Variants in DPP6 observed in about 807,000 individuals in gnomAD.
DPP6 encodes dipeptidyl peptidase like 6.
DPP6 carries 69 observed loss-of-function variants against 122.6 expected under a neutral mutation model. The ratio of observed to expected loss-of-function variants is 0.56; its 90% CI spans 0.46 to 0.69. The LOEUF (loss-of-function observed/expected upper bound fraction) is 0.69, where lower values mean the gene tolerates loss of function less well. Ranked by LOEUF, DPP6 falls within the 30% of genes least tolerant of loss-of-function variation. The pLI, the probability that DPP6 is intolerant of heterozygous loss-of-function variation, is 0.00. For synonymous variants in DPP6, 418 were observed against 433.1 expected, an observed-to-expected ratio of 0.97 and a Z score of 0.43; for missense variants, 928 against 1,116.9, an observed-to-expected ratio of 0.83 and a Z score of 2.41.
intron 7 of DPP6, among the ~76,000 whole-genome samples, chr7:154,717,426 C>A (rs10275908): frequency 1.3e-5 from 2 of 151,164 alleles, no homozygotes; most frequent in Non-Finnish European, 2.9e-5. Flanking sequence ...ACCTTCCCAG[C>A]ACCGTTCTAC....
chr7:154,852,860 T>C (rs563550909), intron 16 of DPP6, among the ~76,000 whole-genome samples: 2 of 148,916 alleles, frequency 1.3e-5, no homozygotes, highest in African/African-American at 5.0e-5. Context: ...GATGGGATAG[T>C]TGGAGATGGC....
At chr7:154,722,810 A>G (rs1456285162) in intron 7 of DPP6, among the ~76,000 whole-genome samples, 4 of 152,152 alleles carry the variant, frequency 2.6e-5, no homozygotes, top group Non-Finnish European at 4.4e-5. Context: ...TCTGCCAGCC[A>G]TGCACATGGT....
Position 154,578,175 on chromosome 7 carries a change from C to T in DPP6, c.627+11259C>T, listed in dbSNP as rs898329811. ...ATGCTTTTGCTTGTCTTCTGCTCAA[C>T]TAAAATTATTGTTTTTATGATGCCA... On this transcript the variant is annotated intron_variant, in intron 5 of 25. Transcript: ENST00000377770. 5.9e-5 allele frequency among the ~76,000 whole-genome samples: 9 copies of T among 152,294 alleles called. No homozygotes were observed. The East Asian group carries it at 1.2e-3, about 20-fold the overall frequency.
intron 1 of DPP6, among the ~76,000 whole-genome samples, chr7:154,136,568 G>A (rs1166653500): frequency 3.3e-5 from 5 of 152,116 alleles, no homozygotes; most frequent in Non-Finnish European, 5.9e-5. Context: ...CATCACTTGC[G>A]AAACTCCTAA....
intron 7 of DPP6, among the ~76,000 whole-genome samples, chr7:154,693,379 T>C (rs976291976): frequency 2.6e-5 from 4 of 152,360 alleles, no homozygotes; most frequent in Non-Finnish European, 5.9e-5. Flanking sequence ...CCTGATATTA[T>C]AAGGAGTTTG....
chr7:154,868,093 A>G lies in DPP6; in HGVS notation c.1813A>G (p.Asn605Asp), dbSNP rs1490331490. Residue 605 changes from asparagine (N) to aspartate (D), a missense_variant and splice_region_variant, in exon 18 of 26, where the codon AAC (asparagine) becomes GAC (aspartate). Asn to Asp is a conservative substitution (Grantham distance 23). Transcript: ENST00000377770. ...EYRDIEIDDY[N>D]LPMQILKPAT... ...CAGGGACATTGAGATTGATGATTAC[A>G]GTAAGTACTACGTTTTTCCCCTCTA... is the stretch of plus-strand genomic sequence containing the variant. The G allele has an allele frequency of 1.9e-6, 3 of 1,600,882 alleles. No homozygotes were observed. Among genetic ancestry groups the G allele is most frequent in the Non-Finnish European group, 2.6e-6 (3 of 1,173,530 alleles).
Position 154,342,798 on chromosome 7 carries a change from C to T in DPP6, c.244-103416C>T, listed in dbSNP as rs555485368. Among the ~76,000 whole-genome samples, 37 of 152,208 alleles carry T rather than the reference C, an allele frequency of 2.4e-4. 1 individual carries two copies. Among genetic ancestry groups the T allele is most frequent in the Non-Finnish European group, 5.1e-4 (35 of 68,038 alleles). ...TCCAAATGACAGCAGAATTTCCGTC[C>T]ACTTCCTAAAAGTTAAAGGTAGAAC... On this transcript the variant is annotated intron_variant, in intron 1 of 25. Coordinates refer to ENST00000377770, the MANE Select transcript of DPP6 (RefSeq NM_130797.4).
At chr7:154,168,138 ACT>A (rs1038013319) in intron 1 of DPP6, among the ~76,000 whole-genome samples, 3 of 151,978 alleles carry the variant, frequency 2.0e-5, no homozygotes, top group Non-Finnish European at 4.4e-5. Flanking sequence ...TAAGACTTCC[ACT>A]CTCTCTCCAG....
At chr7:154,733,964 A>C (rs1304599870) in intron 8 of DPP6, among the ~76,000 whole-genome samples, 1 of 152,222 alleles carries the variant, frequency 6.6e-6, no homozygotes, top group Non-Finnish European at 1.5e-5. Flanking sequence ...GCTGATACCC[A>C]GTGTGCTGAG....
the DPP6 span, among the ~76,000 whole-genome samples, chr7:153,813,082 A>G: frequency 6.6e-6 from 1 of 151,764 alleles, no homozygotes; most frequent in African/African-American, 2.4e-5. Context: ...GGCTAGTTAC[A>G]TATGTATACA....
chr7:153,832,549 T>C, the DPP6 span, among the ~76,000 whole-genome samples: 1 of 152,232 alleles, frequency 6.6e-6, no homozygotes, highest in African/African-American at 2.4e-5. Flanking sequence ...TAGTGGTGTG[T>C]TCTTCCCCAG....
At chr7:154,450,046 A>G (rs1429840685) in intron 2 of DPP6, among the ~76,000 whole-genome samples, 1 of 149,744 alleles carries the variant, frequency 6.7e-6, no homozygotes, top group Non-Finnish European at 1.5e-5. Context: ...ATAAATAAAT[A>G]AATAAATAAA....
rs1233095335 is a variant in DPP6 at position 154,062,091 on chromosome 7, A to G, written c.243+9028A>G. 1.9e-5 allele frequency among the ~76,000 whole-genome samples: 2 copies of G among 104,094 alleles called. 1 individual carries two copies. The highest frequency in any genetic ancestry group is 7.3e-5 in the African/African-American group (2 of 27,582). The allele number at this position is 104,094 out of a possible 152,430, so 68.3% of individuals were successfully genotyped here. ...TCCCCCACTGGCTCTTAGGACCCCC[A>G]TCGCAGAGGGGGGACGCACCCCCCG... On this transcript the variant is annotated intron_variant, in intron 1 of 25. Transcript: ENST00000377770.
intron 1 of DPP6, among the ~76,000 whole-genome samples, chr7:153,902,424 G>C (rs1799676533): frequency 6.6e-6 from 1 of 152,146 alleles, no homozygotes; most frequent in Admixed American, 6.5e-5. Context: ...TGTCTCCCTT[G>C]ATGTTTGCAT....
chr7:154,182,258 C>T (rs1798128773), intron 1 of DPP6, among the ~76,000 whole-genome samples: 1 of 152,156 alleles, frequency 6.6e-6, no homozygotes, highest in Admixed American at 6.5e-5. Flanking sequence ...AAGGCCATAA[C>T]TCTACAAATT....
At chr7:154,296,412 G>A (rs1805548404) in intron 1 of DPP6, among the ~76,000 whole-genome samples, 1 of 152,140 alleles carries the variant, frequency 6.6e-6, no homozygotes, top group South Asian at 2.1e-4. Context: ...ATTAGACGGT[G>A]AGACAGTGAG....
In DPP6 at chr7:154,403,935, T is replaced by A. The variant is rs1449440200; in HGVS notation, c.244-42279T>A. On this transcript the variant is annotated intron_variant, in intron 1 of 25. Transcript: ENST00000377770. This position sits in a 1 kb window ranked among gnomAD's most constrained non-coding sequence, Gnocchi z 4.1. ...GGAAGGCCACTGATTTTAAGCTCAT[T>A]AAACTCACATTCACCTTTGTCTTTT... 6.6e-6 allele frequency among the ~76,000 whole-genome samples: 1 copy of A among 152,246 alleles called. No individual in the cohort carries two copies. Among genetic ancestry groups the A allele is most frequent in the African/African-American group, 2.4e-5 (1 of 41,472 alleles).
At chr7:153,986,536 G>T (rs1796858675) in intron 1 of DPP6, among the ~76,000 whole-genome samples, 1 of 152,124 alleles carries the variant, frequency 6.6e-6, no homozygotes, top group African/African-American at 2.4e-5. Flanking sequence ...AAACTTGAAG[G>T]ACTCATTAGA....
At chr7:154,722,233 A>G (rs1416326990) in intron 7 of DPP6, among the ~76,000 whole-genome samples, 1 of 152,222 alleles carries the variant, frequency 6.6e-6, no homozygotes, top group East Asian at 1.9e-4. Flanking sequence ...TTTTATTATT[A>G]TCTCTGCTGA....
Sources: gnomAD v4.1 joint callset for allele counts (sites outside exome capture counted in the v4.1 genomes callset) on GRCh38, gnomAD v4.1.1 for gene constraint, Gnocchi (gnomAD v3.1) non-coding constraint, MANE v1.5 for transcripts, NCBI Gene and HGNC (gene_info 2026-07-23, HGNC 2026-07-21) for gene names.